DYNC2H1: variants seen among roughly 807,000 people sequenced by gnomAD.
The protein encoded by DYNC2H1 is dynein cytoplasmic 2 heavy chain 1.
DYNC2H1 carries 410 observed loss-of-function variants against 570.0 expected under a neutral mutation model. That is an observed-to-expected ratio of 0.72 (90% CI 0.66 to 0.78). DYNC2H1 has a LOEUF of 0.78. DYNC2H1 is among the 30% of genes least tolerant of loss of function. The probability of loss-of-function intolerance (pLI) is 0.00; values close to 1 mark genes in which losing one functional copy is unlikely to be tolerated. For missense variants in DYNC2H1, 4,865 were observed against 5,046.4 expected, an observed-to-expected ratio of 0.96 and a Z score of 1.09; for synonymous variants, 1,688 against 1,677.6, an observed-to-expected ratio of 1.01 and a Z score of -0.15.
intron 76 of DYNC2H1, 107 bp downstream of exon 76, chr11:103,303,360 C>T: frequency 1.7e-6 from 2 of 1,209,128 alleles, no homozygotes; most frequent in South Asian, 1.8e-5. Context: ...AATAATGCCC[C>T]CAAAAATGTC....
chr11:103,181,835 A>C lies in DYNC2H1; in HGVS notation c.6426A>C (p.Glu2142Asp). 5.0e-6 allele frequency: 8 copies of C among 1,599,846 alleles called. No homozygotes were observed. Among genetic ancestry groups the C allele is most frequent in the Non-Finnish European group, 6.8e-6 (8 of 1,171,988 alleles). ...CTGCTGAATATAGAAATAATCTTGA[A>C]AATTGGATTGGAGATTATTTTGAAA... is the stretch of plus-strand genomic sequence containing the variant. ...NQPAEYRNNL[E>D]NWIGDYFEKA... The change falls in exon 40 of 89, where the codon GAA (glutamate) becomes GAC (aspartate). Residue 2142 changes from glutamate to aspartate, a missense_variant. Transcript: ENST00000375735. The surrounding 1 kb of genome is among the most constrained non-coding windows in gnomAD (Gnocchi z 5.0).
intron 78 of DYNC2H1, 129 bp from the exon 79 acceptor site, chr11:103,311,749 T>G: frequency 1.2e-6 from 1 of 821,698 alleles, no homozygotes; most frequent in South Asian, 1.9e-5. Context: ...TGAAGTAACA[T>G]AATAATTTAA....
intron 9 of DYNC2H1, 104 bp downstream of exon 9, chr11:103,121,140 A>G (rs1858683783): frequency 6.6e-6 from 6 of 909,058 alleles, no homozygotes; most frequent in Non-Finnish European, 9.4e-6. Context: ...TTTTTCTGAC[A>G]TTTTCATGCT....
chr11:103,457,956 AG>A (rs1944853916), intron 87 of DYNC2H1, among the ~76,000 whole-genome samples: 1 of 152,252 alleles, frequency 6.6e-6, no homozygotes, highest in Non-Finnish European at 1.5e-5. Flanking sequence ...AAAAATTAAA[AG>A]TATAAAATAA....
At chr11:103,171,413 GCC>G (rs1035929075) in intron 34 of DYNC2H1, among the ~76,000 whole-genome samples, 16 of 151,818 alleles carry the variant, frequency 1.1e-4, no homozygotes, top group Non-Finnish European at 1.5e-4. Context: ...CCGCCACCAC[GCC>G]CAGCTAATTT....
chr11:103,187,202 C>A, intron 42 of DYNC2H1, 138 bp from the exon 43 acceptor site: 3 of 1,192,336 alleles, frequency 2.5e-6, no homozygotes, highest in Non-Finnish European at 3.5e-6. Context: ...GAAGCCATAT[C>A]TGTATTTACC....
At chr11:103,391,377 T>C (rs919799760) in intron 83 of DYNC2H1, among the ~76,000 whole-genome samples, 1 of 152,186 alleles carries the variant, frequency 6.6e-6, no homozygotes, top group African/African-American at 2.4e-5. Flanking sequence ...TCTACACTGG[T>C]TATTTTAGTT....
chr11:103,172,292 C>T (rs1220380896), intron 34 of DYNC2H1, among the ~76,000 whole-genome samples: 2 of 152,074 alleles, frequency 1.3e-5, no homozygotes, highest in East Asian at 3.8e-4. Context: ...CTAATCTTTT[C>T]ACCTGTACTT....
chr11:103,184,258 C>A (rs990699245), intron 40 of DYNC2H1, among the ~76,000 whole-genome samples: 1 of 151,846 alleles, frequency 6.6e-6, no homozygotes, highest in African/African-American at 2.4e-5. Flanking sequence ...CTGTTTATTC[C>A]AGCTTTTAAC....
rs1428710178 is a variant in DYNC2H1 at position 103,203,973 on chromosome 11, A to G, written c.8311+197A>G. On this transcript the variant is annotated intron_variant, in intron 51 of 88. Transcript: ENST00000375735. This position sits in a 1 kb window ranked among gnomAD's most constrained non-coding sequence, Gnocchi z 4.7. ...GTATTAGTCTGTTTTTCCACTACTGATAAAGACTTACCTGACACTGAGCAA... is the reference window on the plus strand; with the variant it reads ...GTATTAGTCTGTTTTTCCACTACTGGTAAAGACTTACCTGACACTGAGCAA... Among the ~76,000 whole-genome samples the G allele has an allele frequency of 1.3e-5, 2 of 152,082 alleles. No homozygotes were observed. The highest frequency in any genetic ancestry group is 2.9e-5 in the Non-Finnish European group (2 of 68,022).
chr11:103,155,185 A>T (rs1211690059), intron 24 of DYNC2H1, 146 bp from the exon 25 acceptor site: 12 of 781,938 alleles, frequency 1.5e-5, no homozygotes, highest in Non-Finnish European at 2.3e-5. Context: ...TCTGTTTAAG[A>T]ATATGATTTT....
chr11:103,397,311 T>TAA (rs545875421), intron 83 of DYNC2H1, among the ~76,000 whole-genome samples: 5,295 of 150,518 alleles, frequency 0.035, 299 homozygotes, highest in African/African-American at 0.12. Flanking sequence ...ATTTACTCAA[T>TAA]AAAAAAAAAA....
Position 103,256,204 on chromosome 11 carries a change from TAAAG to T in DYNC2H1, c.10428_10431del (p.Lys3476AsnfsTer93), listed in dbSNP as rs774750629. On this transcript the variant is annotated frameshift_variant, in exon 68 of 89. Coordinates refer to ENST00000375735, the MANE Select transcript of DYNC2H1 (RefSeq NM_001377.3). LOFTEE classifies it high-confidence loss of function. The surrounding 1 kb of genome is among the most constrained non-coding windows in gnomAD (Gnocchi z 4.0). ...GCAGTGCACTTATTCAAGAGTCACTTAAAGAATCTTACAAACTCCAAATTTCCCT... is the reference window on the plus strand; with the variant it reads ...GCAGTGCACTTATTCAAGAGTCACTTAATCTTACAAACTCCAAATTTCCCT... The T allele has an allele frequency of 1.2e-6, 2 of 1,605,952 alleles. No individual in the cohort carries two copies. Among genetic ancestry groups the T allele is most frequent in the Non-Finnish European group, 1.7e-6 (2 of 1,176,712 alleles).
chr11:103,391,058 G>A (rs543584021), intron 83 of DYNC2H1, among the ~76,000 whole-genome samples: 21 of 152,212 alleles, frequency 1.4e-4, no homozygotes, highest in African/African-American at 5.1e-4. Flanking sequence ...TGCTAGATTG[G>A]GGAAATTCTC....
chr11:103,358,394 T>A (rs980319949), intron 83 of DYNC2H1, 35 bp downstream of exon 83: 1 of 1,398,876 alleles, frequency 7.1e-7, no homozygotes, highest in African/African-American at 1.4e-5. Context: ...TTCTTTTGCT[T>A]TTTCTCCCGC....
intron 50 of DYNC2H1, 70 bp downstream of exon 50, chr11:103,200,224 T>G: frequency 8.4e-7 from 1 of 1,187,416 alleles, no homozygotes; most frequent in Non-Finnish European, 1.2e-6. Context: ...AAAATTATCT[T>G]GTGCAAAATT....
chr11:103,120,602 T>C, intron 7 of DYNC2H1, 21 bp downstream of exon 7: 1 of 1,603,886 alleles, frequency 6.2e-7, no homozygotes, highest in South Asian at 1.1e-5. Context: ...TATTTGTTTA[T>C]GTCTGTACAG....
chr11:103,351,044 C>G (rs926347494), intron 82 of DYNC2H1, among the ~76,000 whole-genome samples: 1 of 152,166 alleles, frequency 6.6e-6, no homozygotes, highest in African/African-American at 2.4e-5. Context: ...TATCCCAAAA[C>G]TTAGTGACTT....
intron 85 of DYNC2H1, among the ~76,000 whole-genome samples, chr11:103,442,707 C>G (rs1362360765): frequency 6.6e-6 from 1 of 152,070 alleles, no homozygotes; most frequent in Non-Finnish European, 1.5e-5. Context: ...ATAACAAAAT[C>G]TTTCCCGAAT....
Sources: allele counts gnomAD v4.1 joint callset (sites outside exome capture counted in the v4.1 genomes callset), GRCh38; gene constraint gnomAD v4.1.1; non-coding constraint Gnocchi (gnomAD v3.1); transcripts MANE v1.5; gene names NCBI Gene and HGNC (gene_info 2026-07-23, HGNC 2026-07-21).